CREBBP: variants seen among roughly 807,000 people sequenced by gnomAD.
The protein encoded by CREBBP is CREB binding lysine acetyltransferase, also known as CREB-binding protein.
A neutral mutation model predicts 265.0 loss-of-function variants in CREBBP; 19 were observed. The ratio of observed to expected loss-of-function variants is 0.07; its 90% confidence interval spans 0.05 to 0.11. CREBBP has a LOEUF of 0.11. Ranked by LOEUF, CREBBP falls within the 10% of genes least tolerant of loss-of-function variation. The pLI is 1.00. For synonymous variants in CREBBP, 1,457 were observed against 1,223.7 expected, an observed-to-expected ratio of 1.19 and a Z score of -3.98; for missense variants, 2,525 against 3,219.0, an observed-to-expected ratio of 0.78 and a Z score of 5.22.
intron 3 of CREBBP, among the ~76,000 whole-genome samples, chr16:3,809,516 C>G (rs1414499125): frequency 6.6e-6 from 1 of 152,124 alleles, no homozygotes; most frequent in Non-Finnish European, 1.5e-5. Flanking sequence ...CAGCAGGGAG[C>G]CAGCACCTGA....
intron 1 of CREBBP, among the ~76,000 whole-genome samples, chr16:3,855,278 T>C (rs2054935434): frequency 6.6e-6 from 1 of 152,176 alleles, no homozygotes; most frequent in African/African-American, 2.4e-5. Flanking sequence ...TCTTATTTGT[T>C]TATTAGACAG....
At chr16:3,798,031 A>C (rs2053641518) in intron 3 of CREBBP, among the ~76,000 whole-genome samples, 3 of 152,280 alleles carry the variant, frequency 2.0e-5, no homozygotes, top group Non-Finnish European at 2.9e-5. Context: ...GAAACGACAA[A>C]TACAAAAATG....
At chr16:3,797,365 T>C (rs1273584192) in intron 3 of CREBBP, among the ~76,000 whole-genome samples, 2 of 152,138 alleles carry the variant, frequency 1.3e-5, no homozygotes, top group African/African-American at 4.8e-5. Context: ...TAGGTGTATA[T>C]CAAATTAGCA....
At chr16:3,745,446 C>G in intron 21 of CREBBP, 92 bp from the exon 22 acceptor site, 1 of 1,149,102 alleles carries the variant, frequency 8.7e-7, no homozygotes, top group East Asian at 2.5e-5. Context: ...ACACCTTGTT[C>G]TCTGGGTTAC....
At chr16:3,744,020 G>T (rs900861462) in intron 23 of CREBBP, among the ~76,000 whole-genome samples, 1 of 151,984 alleles carries the variant, frequency 6.6e-6, no homozygotes, top group Admixed American at 6.6e-5. Flanking sequence ...AGGTTGCAGT[G>T]AGCTGAGATT....
rs1064793090 is a variant in CREBBP at position 3,729,843 on chromosome 16, G to A, written c.5204C>T (p.Thr1735Met). ...DYDLCINCYN[T>M]KSHAHKMVKW... The stretch of plus-strand genomic sequence containing the variant: ...CACCATCTTATGGGCATGGCTCTTC[G>A]TGTTATAGCAGTTGATGCAGAGGTC... Residue 1735 changes from threonine to methionine, a missense_variant, in exon 31 of 31, where the codon ACG (threonine) becomes ATG (methionine). Physicochemically the swap from Thr to Met is moderately conservative, Grantham distance 81. This residue lies in a region of CREBBP where 62 missense variants were observed against 156.2 expected (regional missense o/e 0.40). Coordinates refer to ENST00000262367, the MANE Select transcript of CREBBP (RefSeq NM_004380.3). The A allele has an allele frequency of 5.0e-6, 8 of 1,603,414 alleles. No homozygotes were observed. In the Admixed American group the frequency reaches 1.2e-4, roughly 23 times the overall value.
At chr16:3,873,816 C>G (rs1057090053) in intron 1 of CREBBP, among the ~76,000 whole-genome samples, 7 of 152,014 alleles carry the variant, frequency 4.6e-5, no homozygotes, top group Non-Finnish European at 8.8e-5. Flanking sequence ...AATAACAGAC[C>G]CAATTAGAAG....
intron 2 of CREBBP, among the ~76,000 whole-genome samples, chr16:3,822,653 T>C (rs1426242456): frequency 6.6e-6 from 1 of 152,178 alleles, no homozygotes; most frequent in Non-Finnish European, 1.5e-5. Flanking sequence ...AAAGAAGATC[T>C]TGCCCAGCTT....
intron 16 of CREBBP, among the ~76,000 whole-genome samples, chr16:3,759,980 A>C (rs2052675364): frequency 6.6e-6 from 1 of 152,078 alleles, no homozygotes. Flanking sequence ...TCACGACCCC[A>C]CCTGGCTCAT....
intron 3 of CREBBP, among the ~76,000 whole-genome samples, chr16:3,809,822 A>G (rs2053900939): frequency 6.6e-6 from 1 of 152,184 alleles, no homozygotes; most frequent in African/African-American, 2.4e-5. Flanking sequence ...CTTTCTTGTG[A>G]TCTTCCCAAA....
At position 3,879,939 on chromosome 16, in the gene CREBBP, C is replaced by A. The variant is rs769279429; in HGVS notation, c.-23G>T. On this transcript the variant is annotated 5_prime_UTR_variant, in exon 1 of 31. Transcript: ENST00000262367. ...CATTTTCACCTGCTCGCGAAAACAG[C>A]CCCGGGCACGGGCGGCCGGGCCGGC... 9 of 1,605,978 alleles carry A rather than the reference C, an allele frequency of 5.6e-6. No individual in the cohort carries two copies. The highest frequency in any genetic ancestry group is 7.7e-6 in the Non-Finnish European group (9 of 1,176,326).
At chr16:3,761,582 C>G in intron 16 of CREBBP, 1 of 518,700 alleles carries the variant, frequency 1.9e-6, no homozygotes, top group Non-Finnish European at 3.9e-6. Context: ...TCTTGACCAA[C>G]CTCCGCAGAC....
Position 3,809,763 on chromosome 16 carries a change from T to TA in CREBBP, c.975+839dup, listed in dbSNP as rs1323688862. Among the ~76,000 whole-genome samples, 6 of 152,228 alleles carry TA rather than the reference T, an allele frequency of 3.9e-5. No homozygotes were observed. In the South Asian group the frequency reaches 6.2e-4, roughly 16 times the overall value. On this transcript the variant is annotated intron_variant, in intron 3 of 30. Coordinates refer to ENST00000262367, the MANE Select transcript of CREBBP (RefSeq NM_004380.3). ...AACAAATACTTCAAAATAAAAAGCA[T>TA]AAAAAACCGAAAGACAAAAAGCAAC...
intron 2 of CREBBP, among the ~76,000 whole-genome samples, chr16:3,849,937 T>C (rs1029204018): frequency 1.3e-5 from 2 of 152,042 alleles, no homozygotes; most frequent in Non-Finnish European, 2.9e-5. Context: ...ATGGATACTG[T>C]GCCAACAGAT....
chr16:3,877,572 T>C (rs377365397), intron 1 of CREBBP, among the ~76,000 whole-genome samples: 1 of 152,210 alleles, frequency 6.6e-6, no homozygotes, highest in Admixed American at 6.5e-5. Context: ...CTGGCTATGT[T>C]TTTGTATTTT....
chr16:3,821,591 A>AT (rs898179799), intron 2 of CREBBP, among the ~76,000 whole-genome samples: 7 of 151,658 alleles, frequency 4.6e-5, no homozygotes, highest in South Asian at 2.1e-4. Context: ...AAGTCCTAAT[A>AT]TTTTTTTTTA....
At chr16:3,744,869 A>T in intron 23 of CREBBP, 25 bp downstream of exon 23, 2 of 1,586,174 alleles carry the variant, frequency 1.3e-6, no homozygotes, top group Non-Finnish European at 1.7e-6. Context: ...GCAGTCCAGG[A>T]AACAGAAAGC....
chr16:3,763,662 C>T (rs899631309), intron 16 of CREBBP, among the ~76,000 whole-genome samples: 7 of 152,064 alleles, frequency 4.6e-5, no homozygotes, highest in Non-Finnish European at 1.0e-4. Flanking sequence ...CGGGGTTTCG[C>T]CATGTTGGCC....
chr16:3,741,624 G>T (rs1022923881), intron 23 of CREBBP: 2 of 151,158 alleles, frequency 1.3e-5, no homozygotes. Flanking sequence ...GACCAAAACG[G>T]AGAAACCCCA....
Sources: gnomAD v4.1 joint callset for allele counts (sites outside exome capture counted in the v4.1 genomes callset) on GRCh38, gnomAD v4.1.1 for gene constraint, gnomAD v4.1.1 regional missense constraint, MANE v1.5 for transcripts, NCBI Gene and HGNC (gene_info 2026-07-23, HGNC 2026-07-21) for gene names.